The following SORCS1 variants were observed in gnomAD, a reference collection of about 807,000 sequenced individuals.
SORCS1 encodes sortilin related VPS10 domain containing receptor 1, also known as VPS10 domain-containing receptor SorCS1.
A neutral mutation model predicts 146.1 loss-of-function variants in SORCS1; 60 were observed. The ratio of observed to expected loss-of-function variants is 0.41; its 90% CI spans 0.33 to 0.51. The LOEUF is 0.51. Among genes scored for constraint, SORCS1 ranks in the 20% least tolerant of loss-of-function variants. The probability of loss-of-function intolerance (pLI) is 0.21; values close to 1 mark genes in which losing one functional copy is unlikely to be tolerated. For missense variants in SORCS1, 1,352 were observed against 1,487.6 expected (o/e 0.91, Z 1.50); for synonymous variants, 637 against 584.0 (o/e 1.09, Z -1.31).
Position 106,970,045 on chromosome 10 carries a change from G to A in SORCS1, c.559-13465C>T, listed in dbSNP as rs575986882. The A allele has an allele frequency of 1.4e-4, 22 of 152,448 alleles. 1 individual carries two copies. The highest frequency in any genetic ancestry group is 6.2e-4 in the South Asian group (3 of 4,830). The allele number at this position is 152,448 out of a possible 1,614,324, so 9.4% of individuals were successfully genotyped here. On this transcript the variant is annotated intron_variant, in intron 1 of 25. Coordinates refer to ENST00000263054, the MANE Select transcript of SORCS1 (RefSeq NM_052918.5). ...ACTCTATGGCCATACCACCCTGAACGCGTCCGTTCTCGTCTGATCTCGGAA... is the reference window on the plus strand; with the variant it reads ...ACTCTATGGCCATACCACCCTGAACACGTCCGTTCTCGTCTGATCTCGGAA...
At chr10:107,018,761 TA>T (rs1958005809) in intron 1 of SORCS1, among the ~76,000 whole-genome samples, 1 of 152,178 alleles carries the variant, frequency 6.6e-6, no homozygotes, top group Admixed American at 6.5e-5. Flanking sequence ...TGCCTCTTGA[TA>T]GGGGTGATGG....
chr10:106,941,920 A>G (rs533601748), intron 2 of SORCS1, among the ~76,000 whole-genome samples: 1 of 152,322 alleles, frequency 6.6e-6, no homozygotes, highest in African/African-American at 2.4e-5. Flanking sequence ...AAAATCTCCC[A>G]TAACCAGGAT....
intron 1 of SORCS1, among the ~76,000 whole-genome samples, chr10:107,102,924 A>G (rs1398436511): frequency 6.6e-6 from 1 of 152,156 alleles, no homozygotes; most frequent in Non-Finnish European, 1.5e-5. Flanking sequence ...AAATTGCTGT[A>G]ATATTGCCTC....
chr10:106,745,326 G>A (rs192409765), intron 5 of SORCS1, among the ~76,000 whole-genome samples: 62 of 151,934 alleles, frequency 4.1e-4, no homozygotes, highest in African/African-American at 1.5e-3. Context: ...GCAGGAGAAT[G>A]GGTGAACCTG....
chr10:106,996,975 T>C (rs1957029922), intron 1 of SORCS1, among the ~76,000 whole-genome samples: 1 of 152,156 alleles, frequency 6.6e-6, no homozygotes, highest in African/African-American at 2.4e-5. Context: ...TCTTGGATTT[T>C]CTCTTCATTT....
Position 107,117,856 on chromosome 10 carries a change from G to A in SORCS1, c.558+46113C>T, listed in dbSNP as rs374210065. On this transcript the variant is annotated intron_variant, in intron 1 of 25. Coordinates refer to ENST00000263054, the MANE Select transcript of SORCS1 (RefSeq NM_052918.5). Reference sequence around the variant, plus strand: ...TTTGCCTCACAGTGACTCATACCTCGAGTCTCACACATACCTAATTTAGAA... The same window carrying A: ...TTTGCCTCACAGTGACTCATACCTCAAGTCTCACACATACCTAATTTAGAA... Among the ~76,000 whole-genome samples, 5 of 152,192 alleles carry A rather than the reference G, an allele frequency of 3.3e-5. No individual in the cohort carries two copies. The East Asian group carries it at 5.8e-4, about 18-fold the overall frequency.
At chr10:106,895,427 A>T (rs1951430085) in intron 2 of SORCS1, among the ~76,000 whole-genome samples, 1 of 152,144 alleles carries the variant, frequency 6.6e-6, no homozygotes, top group Non-Finnish European at 1.5e-5. Context: ...CCTGACAAAC[A>T]TGGTAAAACC....
At chr10:106,944,139 T>C (rs1443172344) in intron 2 of SORCS1, among the ~76,000 whole-genome samples, 1 of 152,228 alleles carries the variant, frequency 6.6e-6, no homozygotes, top group Non-Finnish European at 1.5e-5. Context: ...GTCACCAGTT[T>C]TGTTCTTTGC....
At chr10:106,735,472 C>T (rs1168311784) in intron 5 of SORCS1, among the ~76,000 whole-genome samples, 2 of 152,148 alleles carry the variant, frequency 1.3e-5, no homozygotes, top group Non-Finnish European at 2.9e-5. Flanking sequence ...CTTTCACCTG[C>T]AGATGGAAAC....
chr10:106,635,764 C>G (rs1848691448), intron 18 of SORCS1, among the ~76,000 whole-genome samples: 1 of 152,150 alleles, frequency 6.6e-6, no homozygotes, highest in Non-Finnish European at 1.5e-5. Context: ...ATACAACCAA[C>G]TGAATTTGTT....
At chr10:106,778,919 G>C (rs1389485879) in intron 3 of SORCS1, among the ~76,000 whole-genome samples, 1 of 152,076 alleles carries the variant, frequency 6.6e-6, no homozygotes, top group Non-Finnish European at 1.5e-5. Flanking sequence ...TAGGCCTACA[G>C]AATATTCCCA....
intron 6 of SORCS1, among the ~76,000 whole-genome samples, chr10:106,725,244 A>G (rs890205117): frequency 3.9e-5 from 6 of 152,308 alleles, no homozygotes; most frequent in African/African-American, 1.4e-4. Context: ...CATGGGTTCC[A>G]TATACATAAA....
chr10:106,614,122 C>A (rs1294717430), intron 21 of SORCS1, among the ~76,000 whole-genome samples: 2 of 152,156 alleles, frequency 1.3e-5, no homozygotes, highest in Non-Finnish European at 2.9e-5. Flanking sequence ...GTGTTCCTGG[C>A]CCTTGTCTAG....
At chr10:106,665,846 T>C (rs1040299692) in intron 17 of SORCS1, among the ~76,000 whole-genome samples, 3 of 152,140 alleles carry the variant, frequency 2.0e-5, no homozygotes, top group Non-Finnish European at 4.4e-5. Flanking sequence ...TTTTGTTTGT[T>C]TGTTTGTTTT....
chr10:106,656,338 C>T (rs535618668), intron 17 of SORCS1, among the ~76,000 whole-genome samples: 1 of 152,218 alleles, frequency 6.6e-6, no homozygotes, highest in East Asian at 1.9e-4. Context: ...ATCATGAGGT[C>T]AGGAGATCGA....
chr10:106,981,818 G>A (rs1180501711), intron 1 of SORCS1, among the ~76,000 whole-genome samples: 2 of 152,158 alleles, frequency 1.3e-5, no homozygotes, highest in Non-Finnish European at 2.9e-5. Flanking sequence ...TGTTCTTCCT[G>A]TCCCTCTTTC....
intron 23 of SORCS1, among the ~76,000 whole-genome samples, chr10:106,606,101 A>G (rs907520904): frequency 8.7e-4 from 132 of 152,308 alleles, no homozygotes; most frequent in Non-Finnish European, 1.3e-4. Flanking sequence ...CTAAAAGTGC[A>G]ACTAGGCCAA....
chr10:106,901,198 T>C (rs974816537), intron 2 of SORCS1, among the ~76,000 whole-genome samples: 4 of 152,182 alleles, frequency 2.6e-5, no homozygotes, highest in African/African-American at 9.7e-5. Flanking sequence ...AGGGTTGCCA[T>C]TGTGATTACC....
chr10:106,693,390 C>T (rs1320806848), intron 9 of SORCS1, among the ~76,000 whole-genome samples: 2 of 152,196 alleles, frequency 1.3e-5, no homozygotes, highest in Admixed American at 6.5e-5. Flanking sequence ...AGAGTCTACA[C>T]CCTTAGGCCT....
Sources: allele counts gnomAD v4.1 joint callset (sites outside exome capture counted in the v4.1 genomes callset), GRCh38; gene constraint gnomAD v4.1.1; transcripts MANE v1.5; gene names NCBI Gene and HGNC (gene_info 2026-07-23, HGNC 2026-07-21).